Variants in ACOX2 observed in about 807,000 individuals in gnomAD.
The protein encoded by ACOX2 is acyl-CoA oxidase 2.
Under a neutral mutation model 77.5 loss-of-function variants are expected in ACOX2, and 59 were observed. That is an observed-to-expected ratio of 0.76 (90% CI 0.62 to 0.95). ACOX2 has a LOEUF of 0.95. Ranked by LOEUF, ACOX2 falls within the 40% of genes least tolerant of loss-of-function variation. The probability of loss-of-function intolerance (pLI) is 0.00; values close to 1 mark genes in which losing one functional copy is unlikely to be tolerated. For missense variants in ACOX2, 837 were observed against 880.4 expected, an observed-to-expected ratio of 0.95 and a Z score of 0.62; for synonymous variants, 317 against 340.1, an observed-to-expected ratio of 0.93 and a Z score of 0.75.
intron 12 of ACOX2, among the ~76,000 whole-genome samples, 189 bp from the exon 13 acceptor site, chr3:58,517,612 T>G (rs1453820348): frequency 5.4e-4 from 52 of 96,058 alleles, no homozygotes; most frequent in Middle Eastern, 5.3e-3. Flanking sequence ...TATGTGTGTG[T>G]TGGGGGGGGG....
Position 58,522,198 on chromosome 3 carries a change from T to C in ACOX2, c.1632+298A>G, listed in dbSNP as rs1418709851. ...TGGAATCAGACATCCAAGGATTGCCTGTGGGGCTAAGGGGAGACTTGACCT... is the reference window on the plus strand; with the variant it reads ...TGGAATCAGACATCCAAGGATTGCCCGTGGGGCTAAGGGGAGACTTGACCT... On this transcript the variant is annotated intron_variant, in intron 12 of 14. Coordinates refer to ENST00000302819, the MANE Select transcript of ACOX2 (RefSeq NM_003500.4). This position sits in a 1 kb window ranked among gnomAD's most constrained non-coding sequence, Gnocchi z 4.3. Among the ~76,000 whole-genome samples, 1 of 152,224 alleles carries C rather than the reference T, an allele frequency of 6.6e-6. No homozygotes were observed. Among genetic ancestry groups the C allele is most frequent in the Non-Finnish European group, 1.5e-5 (1 of 68,032 alleles).
Position 58,534,703 on chromosome 3 carries a change from A to C in ACOX2, c.161-181T>G. 12 of 1,455,944 alleles carry C rather than the reference A, an allele frequency of 8.2e-6. No individual in the cohort carries two copies. Among genetic ancestry groups the C allele is most frequent in the Non-Finnish European group, 1.1e-5 (12 of 1,070,602 alleles). 90.2% of individuals were successfully genotyped at this position (1,455,944 alleles called of 1,614,324 possible). On this transcript the variant is annotated intron_variant, in intron 2 of 14. Transcript: ENST00000302819. The surrounding 1 kb of genome is among the most constrained non-coding windows in gnomAD (Gnocchi z 4.8). The stretch of plus-strand genomic sequence containing the variant: ...ATTGCCCAAGGTTACAAAGCTATGC[A>C]GTGGCAGAATTTTAGGACCAGAATC...
Position 58,534,443 on chromosome 3 carries a change from G to A in ACOX2, c.240C>T (p.Ala80=). Residue 80 remains alanine, a synonymous_variant, in exon 3 of 15, where the codon GCC becomes GCT. Coordinates refer to ENST00000302819, the MANE Select transcript of ACOX2 (RefSeq NM_003500.4). The surrounding 1 kb of genome is among the most constrained non-coding windows in gnomAD (Gnocchi z 4.8). Reference sequence around the variant, plus strand: ...ACCGGATGTGGAATGCCCTCCGCATGGCAGCCTTATAACGCTCATTCTGGG... The same window carrying A: ...ACCGGATGTGGAATGCCCTCCGCATAGCAGCCTTATAACGCTCATTCTGGG... ...FMTQNERYKA[A]MRRAFHIRLI... 1 of 1,614,168 alleles carries A rather than the reference G, an allele frequency of 6.2e-7. No homozygotes were observed. Among genetic ancestry groups the A allele is most frequent in the Non-Finnish European group, 8.5e-7 (1 of 1,180,018 alleles).
rs2063374012 is a variant in ACOX2 at position 58,523,542 on chromosome 3, A to T, written c.1526+884T>A. On this transcript the variant is annotated intron_variant, in intron 11 of 14. Coordinates refer to ENST00000302819, the MANE Select transcript of ACOX2 (RefSeq NM_003500.4). This position sits in a 1 kb window ranked among gnomAD's most constrained non-coding sequence, Gnocchi z 5.3. ...CTGGGACCACAGGTTGGGATATAAG[A>T]CCTCTTATTATATACTGAAAATATG... 6.6e-6 allele frequency among the ~76,000 whole-genome samples: 1 copy of T among 152,032 alleles called. No homozygotes were observed. Among genetic ancestry groups the T allele is most frequent in the Non-Finnish European group, 1.5e-5 (1 of 67,998 alleles).
rs529882298 is a variant in ACOX2 at position 58,530,573 on chromosome 3, C to CACCA, written c.881_884dup (p.Val296GlyfsTer38). ...CCCCTGACAGCAGCTCCACCCGCAC[C>CACCA]ACCACCATGGGAAGGTAGTTGCTCT... On this transcript the variant is annotated frameshift_variant, in exon 8 of 15. Coordinates refer to ENST00000302819, the MANE Select transcript of ACOX2 (RefSeq NM_003500.4). LOFTEE classifies it high-confidence loss of function. 9 of 1,614,258 alleles carry CACCA rather than the reference C, an allele frequency of 5.6e-6. No homozygotes were observed. The highest frequency in any genetic ancestry group is 7.6e-6 in the Non-Finnish European group (9 of 1,180,046).
In ACOX2 at chr3:58,524,712, C is replaced by T. The variant is rs116616864; in HGVS notation, c.1347-107G>A. 0.016 allele frequency: 20,188 copies of T among 1,267,142 alleles called. 211 individuals are homozygous for T. The highest frequency in any genetic ancestry group is 0.033 in the Admixed American group (1,443 of 43,966). The allele number at this position is 1,267,142 out of a possible 1,614,324, so 78.5% of individuals were successfully genotyped here. A position where few individuals can be genotyped will look rare whatever the true frequency, so the allele number is the denominator to read the frequency against. ...AGCTCATGCTAGGTTCCAGCCTTCCCGTGGGAGAGCCAGGTCACCAGGCCT... is the reference window on the plus strand; with the variant it reads ...AGCTCATGCTAGGTTCCAGCCTTCCTGTGGGAGAGCCAGGTCACCAGGCCT... On this transcript the variant is annotated intron_variant, in intron 10 of 14. Transcript: ENST00000302819. This position sits in a 1 kb window ranked among gnomAD's most constrained non-coding sequence, Gnocchi z 5.5.
In ACOX2 at chr3:58,516,491, T is replaced by G. The variant is rs569034052; in HGVS notation, c.1850+715A>C. Among the ~76,000 whole-genome samples, 6 of 152,322 alleles carry G rather than the reference T, an allele frequency of 3.9e-5. No individual in the cohort carries two copies. In the East Asian group the frequency reaches 1.2e-3, roughly 29 times the overall value. ...ATTTCAAAGGGCTGTAAGGATTAAATGAGATGTATGTAAAAGCTTTTGGCA... is the reference window on the plus strand; with the variant it reads ...ATTTCAAAGGGCTGTAAGGATTAAAGGAGATGTATGTAAAAGCTTTTGGCA... On this transcript the variant is annotated intron_variant, in intron 13 of 14. Coordinates refer to ENST00000302819, the MANE Select transcript of ACOX2 (RefSeq NM_003500.4).
intron 13 of ACOX2, among the ~76,000 whole-genome samples, chr3:58,510,530 G>A (rs1382945919): frequency 2.7e-5 from 4 of 148,210 alleles, no homozygotes; most frequent in Non-Finnish European, 5.9e-5. Context: ...CTACTGGGAA[G>A]GCTGAGGTGG....
rs761620731 is a variant in ACOX2 at position 58,505,280 on chromosome 3, GGTTCTCCT to G, written c.1984-2_1989del. 2 of 1,611,574 alleles carry G rather than the reference GGTTCTCCT, an allele frequency of 1.2e-6. No homozygotes were observed. Among genetic ancestry groups the G allele is most frequent in the South Asian group, 2.2e-5 (2 of 90,290 alleles). ...GGTCTTATATATTCCTCATAGGCAG[GGTTCTCCT>G]GTTTGTAGAAAGAAACGCATTATTA... On this transcript the variant is annotated splice_acceptor_variant and coding_sequence_variant, in exon 15 of 15. Coordinates refer to ENST00000302819, the MANE Select transcript of ACOX2 (RefSeq NM_003500.4). LOFTEE classifies it high-confidence loss of function. This position sits in a 1 kb window ranked among gnomAD's most constrained non-coding sequence, Gnocchi z 4.4.
chr3:58,511,911 C>T (rs964403366), intron 13 of ACOX2, among the ~76,000 whole-genome samples: 2 of 152,218 alleles, frequency 1.3e-5, no homozygotes, highest in African/African-American at 4.8e-5. Context: ...ACAGAAATAG[C>T]TCTTGCCACG....
In ACOX2 at chr3:58,531,293, A is replaced by G. The variant is rs745502400; in HGVS notation, c.777T>C (p.His259=). ...GCATGTTCTCCCTGGGGACCCGCACATGGTTCAGCTGCAGGAAGCCATTGT... is the reference window on the plus strand; with the variant it reads ...GCATGTTCTCCCTGGGGACCCGCACGTGGTTCAGCTGCAGGAAGCCATTGT... The part of the protein sequence containing the change: ...QTDNGFLQLN[H]VRVPRENMLS... The change falls in exon 7 of 15, where the codon CAT becomes CAC. Residue 259 remains histidine (H), a synonymous_variant. Transcript: ENST00000302819. This position sits in a 1 kb window ranked among gnomAD's most constrained non-coding sequence, Gnocchi z 5.8. 51 of 1,613,452 alleles carry G rather than the reference A, an allele frequency of 3.2e-5. No homozygotes were observed. The highest frequency in any genetic ancestry group is 4.2e-5 in the Non-Finnish European group (50 of 1,180,018).
At chr3:58,509,355 G>A (rs1385515977) in intron 13 of ACOX2, among the ~76,000 whole-genome samples, 1 of 151,670 alleles carries the variant, frequency 6.6e-6, no homozygotes. Flanking sequence ...GTGAAACCCC[G>A]TCTCTACTAA....
At chr3:58,520,093 A>G (rs2063348717) in intron 12 of ACOX2, among the ~76,000 whole-genome samples, 10 of 152,054 alleles carry the variant, frequency 6.6e-5, no homozygotes, top group Admixed American at 6.5e-4. Context: ...CATTATTTAC[A>G]TTGTGTGTGT....
chr3:58,534,442 T>G lies in ACOX2; in HGVS notation c.241A>C (p.Met81Leu). 1 of 1,614,192 alleles carries G rather than the reference T, an allele frequency of 6.2e-7. No homozygotes were observed. Among genetic ancestry groups the G allele is most frequent in the Non-Finnish European group, 8.5e-7 (1 of 1,180,042 alleles). Residue 81 changes from methionine (M) to leucine (L), a missense_variant, in exon 3 of 15, where the codon ATG becomes CTG. Transcript: ENST00000302819. This position sits in a 1 kb window ranked among gnomAD's most constrained non-coding sequence, Gnocchi z 4.8. ...AACCGGATGTGGAATGCCCTCCGCA[T>G]GGCAGCCTTATAACGCTCATTCTGG... is the stretch of plus-strand genomic sequence containing the variant. ...MTQNERYKAA[M>L]RRAFHIRLIA... is the part of the protein sequence containing the mutation.
rs2063360494 is a variant in ACOX2 at position 58,521,819 on chromosome 3, A to T, written c.1632+677T>A. On this transcript the variant is annotated intron_variant, in intron 12 of 14. Coordinates refer to ENST00000302819, the MANE Select transcript of ACOX2 (RefSeq NM_003500.4). This position sits in a 1 kb window ranked among gnomAD's most constrained non-coding sequence, Gnocchi z 4.8. ...ATTTGCACTTCCTCCCAAGCACACC[A>T]GGATCCTTCTTGCTGCTTCCTTTTG... 6.6e-6 allele frequency among the ~76,000 whole-genome samples: 1 copy of T among 152,174 alleles called. No individual in the cohort carries two copies. Among genetic ancestry groups the T allele is most frequent in the Non-Finnish European group, 1.5e-5 (1 of 68,014 alleles).
chr3:58,532,971 A>G (rs1322672220), intron 5 of ACOX2, among the ~76,000 whole-genome samples: 1 of 152,046 alleles, frequency 6.6e-6, no homozygotes, highest in Non-Finnish European at 1.5e-5. Context: ...TGGTGGCCTG[A>G]TGGGGGCTGG....
rs2063315113 is a variant in ACOX2, at chr3:58,515,380, G to C, written c.1850+1826C>G. Among the ~76,000 whole-genome samples, 1 of 152,108 alleles carries C rather than the reference G, an allele frequency of 6.6e-6. No homozygotes were observed. Among genetic ancestry groups the C allele is most frequent in the African/African-American group, 2.4e-5 (1 of 41,412 alleles). On this transcript the variant is annotated intron_variant, in intron 13 of 14. Transcript: ENST00000302819. This position sits in a 1 kb window ranked among gnomAD's most constrained non-coding sequence, Gnocchi z 4.0. Reference sequence around the variant, plus strand: ...TACATGCTATGAGTAGTCATAAAGGGCATGTAACATATTGCATATTGTGAG... The same window carrying C: ...TACATGCTATGAGTAGTCATAAAGGCCATGTAACATATTGCATATTGTGAG...
chr3:58,531,788 A>G lies in ACOX2; in HGVS notation c.608T>C (p.Leu203Pro). 1 of 1,614,090 alleles carries G rather than the reference A, an allele frequency of 6.2e-7. No homozygotes were observed. Among genetic ancestry groups the G allele is most frequent in the Non-Finnish European group, 8.5e-7 (1 of 1,180,010 alleles). The change falls in exon 6 of 15, where the codon CTG (leucine) becomes CCG (proline). Residue 203 changes from leucine to proline, a missense_variant. Transcript: ENST00000302819. This position sits in a 1 kb window ranked among gnomAD's most constrained non-coding sequence, Gnocchi z 5.8. ...TGAGCAGATCAGCTGGGCCTGGACC[A>G]GGGCATGGGTGGCTGACCGTCCCAC... ...GDLGRSATHA[L>P]VQAQLICSGA...
Position 58,505,810 on chromosome 3 carries a change from G to T in ACOX2, c.1984-524C>A, listed in dbSNP as rs77438333. ...ACTGGGCTTTTGACTGTTTTTTTTT[G>T]GAGACAGTATTGCTCTGTTGCCCAG... On this transcript the variant is annotated intron_variant, in intron 14 of 14. Transcript: ENST00000302819. This position sits in a 1 kb window ranked among gnomAD's most constrained non-coding sequence, Gnocchi z 4.4. Among the ~76,000 whole-genome samples, 2 of 141,482 alleles carry T rather than the reference G, an allele frequency of 1.4e-5. No individual in the cohort carries two copies. The highest frequency in any genetic ancestry group is 1.6e-5 in the Non-Finnish European group (1 of 64,026). The allele number at this position is 141,482 out of a possible 152,430, so 92.8% of individuals were successfully genotyped here. A position where few individuals can be genotyped will look rare whatever the true frequency, so the allele number is the denominator to read the frequency against.
Sources: allele counts gnomAD v4.1 joint callset (sites outside exome capture counted in the v4.1 genomes callset), GRCh38; gene constraint gnomAD v4.1.1; non-coding constraint Gnocchi (gnomAD v3.1); transcripts MANE v1.5; gene names NCBI Gene and HGNC (gene_info 2026-07-23, HGNC 2026-07-21).